CBFA2T2: variants seen among roughly 807,000 people sequenced by gnomAD.
The protein encoded by CBFA2T2 is protein CBFA2T2.
A neutral mutation model predicts 62.2 loss-of-function variants in CBFA2T2; 11 were observed. The ratio of observed to expected loss-of-function variants is 0.18; its 90% CI spans 0.11 to 0.29. The LOEUF (loss-of-function observed/expected upper bound fraction) is 0.29. CBFA2T2 is among the 10% of genes least tolerant of loss of function. The pLI is 1.00. For synonymous variants in CBFA2T2, 295 were observed against 287.5 expected, an observed-to-expected ratio of 1.03 and a Z score of -0.27; for missense variants, 592 against 774.1, an observed-to-expected ratio of 0.76 and a Z score of 2.79.
chr20:33,500,774 GC>G (rs1186935225), intron 1 of CBFA2T2, among the ~76,000 whole-genome samples: 1 of 152,094 alleles, frequency 6.6e-6, no homozygotes, highest in African/African-American at 2.4e-5. Context: ...TTTAAAGATA[GC>G]TATATGAGAC....
At chr20:33,493,072 T>G (rs1032642252) in intron 1 of CBFA2T2, among the ~76,000 whole-genome samples, 1 of 141,784 alleles carries the variant, frequency 7.1e-6, no homozygotes, top group Non-Finnish European at 1.5e-5. Context: ...GTTTTGGTTT[T>G]TTTTTTTTTT....
At chr20:33,490,866 G>A (rs1368995992) in intron 1 of CBFA2T2, among the ~76,000 whole-genome samples, 1 of 152,194 alleles carries the variant, frequency 6.6e-6, no homozygotes, top group African/African-American at 2.4e-5. Flanking sequence ...GGTTTTGTGA[G>A]GCCAGTAAAA....
intron 1 of CBFA2T2, among the ~76,000 whole-genome samples, chr20:33,534,278 T>C (rs1471375584): frequency 3.3e-5 from 5 of 152,208 alleles, no homozygotes; most frequent in Non-Finnish European, 7.3e-5. Context: ...TTAAATCTTT[T>C]ACCCATTTAA....
At chr20:33,597,950 G>A (rs912502260) in intron 1 of CBFA2T2, among the ~76,000 whole-genome samples, 18 of 152,124 alleles carry the variant, frequency 1.2e-4, no homozygotes, top group South Asian at 1.0e-3. Flanking sequence ...AAAGCTGGGC[G>A]TCCAGGGGAG....
In CBFA2T2 at chr20:33,623,121, C is replaced by T. The variant is rs761142750; in HGVS notation, c.517C>T (p.Leu173=). 2.5e-6 allele frequency: 4 copies of T among 1,614,092 alleles called. No homozygotes were observed. Among genetic ancestry groups the T allele is most frequent in the Non-Finnish European group, 3.4e-6 (4 of 1,180,042 alleles). Residue 173 remains leucine, a synonymous_variant, in exon 5 of 11, where the codon CTG becomes TTG. Coordinates refer to ENST00000342704, the MANE Select transcript of CBFA2T2 (RefSeq NM_001032999.3). ...PFVIPFLKAN[L]PLLQRELLHC... is the part of the protein sequence containing the mutation. ...ACTGCCTCTTCCTTTCAAGGCCAAC[C>T]TGCCCCTGCTGCAGCGGGAACTGCT... is the stretch of plus-strand genomic sequence containing the variant.
At chr20:33,606,234 A>T (rs1212616208) in intron 1 of CBFA2T2, among the ~76,000 whole-genome samples, 1 of 152,224 alleles carries the variant, frequency 6.6e-6, no homozygotes, top group Non-Finnish European at 1.5e-5. Flanking sequence ...TGATTCATTT[A>T]TAAGGAGAAG....
intron 3 of CBFA2T2, among the ~76,000 whole-genome samples, chr20:33,611,743 A>G (rs1163076601): frequency 6.6e-6 from 1 of 152,102 alleles, no homozygotes; most frequent in Non-Finnish European, 1.5e-5. Flanking sequence ...TCAAACTCCT[A>G]GCCTCAAGCA....
At chr20:33,507,340 A>T (rs2011420460) in intron 1 of CBFA2T2, among the ~76,000 whole-genome samples, 1 of 152,202 alleles carries the variant, frequency 6.6e-6, no homozygotes, top group Non-Finnish European at 1.5e-5. Context: ...GTTAATGGCA[A>T]GTAACATCCT....
Position 33,636,631 on chromosome 20 carries a change from C to T in CBFA2T2, c.1229-9C>T, listed in dbSNP as rs780820820. 4 of 1,611,386 alleles carry T rather than the reference C, an allele frequency of 2.5e-6. No individual in the cohort carries two copies. Among genetic ancestry groups the T allele is most frequent in the Non-Finnish European group, 2.5e-6 (3 of 1,177,822 alleles). ...TTCTGACCCTATGCTTTTTATGTCT[C>T]TTCTGCAGATTCTCAGAGAGAGTTC... On this transcript the variant is annotated splice_polypyrimidine_tract_variant and intron_variant, in intron 8 of 10. Transcript: ENST00000342704.
intron 1 of CBFA2T2, among the ~76,000 whole-genome samples, chr20:33,527,074 G>C (rs1488494734): frequency 3.9e-5 from 6 of 152,214 alleles, no homozygotes; most frequent in Non-Finnish European, 1.5e-5. Flanking sequence ...GACAATACAA[G>C]ACTATGCTGA....
intron 1 of CBFA2T2, among the ~76,000 whole-genome samples, chr20:33,534,299 T>C (rs759214335): frequency 2.6e-5 from 4 of 151,682 alleles, no homozygotes; most frequent in Non-Finnish European, 5.9e-5. Flanking sequence ...AAAAATTACA[T>C]TGTTTATTTT....
intron 1 of CBFA2T2, among the ~76,000 whole-genome samples, chr20:33,493,396 G>A (rs978995056): frequency 6.6e-6 from 1 of 152,154 alleles, no homozygotes; most frequent in Non-Finnish European, 1.5e-5. Context: ...TTTTTAACTG[G>A]CATGCTGGGA....
At chr20:33,498,505 G>A (rs1407603402) in intron 1 of CBFA2T2, among the ~76,000 whole-genome samples, 2 of 151,562 alleles carry the variant, frequency 1.3e-5, no homozygotes, top group African/African-American at 2.4e-5. Flanking sequence ...TGCCCACCTC[G>A]GCCTCCCAAA....
chr20:33,610,476 A>T (rs1732526601), intron 2 of CBFA2T2, among the ~76,000 whole-genome samples: 1 of 152,226 alleles, frequency 6.6e-6, no homozygotes, highest in Admixed American at 6.5e-5. Flanking sequence ...AAGATGCTTT[A>T]TTGAATGACC....
intron 1 of CBFA2T2, among the ~76,000 whole-genome samples, chr20:33,493,068 G>GTTTTTTTTT (rs1157324208): frequency 2.3e-5 from 2 of 88,106 alleles, no homozygotes; most frequent in Non-Finnish European, 4.3e-5. Context: ...TGAAGTTTTG[G>GTTTTTTTTT]TTTTTTTTTT....
chr20:33,532,819 G>A (rs2012098756), intron 1 of CBFA2T2, among the ~76,000 whole-genome samples: 1 of 152,182 alleles, frequency 6.6e-6, no homozygotes, highest in African/African-American at 2.4e-5. Flanking sequence ...TATATGGCAT[G>A]GTATTATAGA....
intron 1 of CBFA2T2, among the ~76,000 whole-genome samples, chr20:33,521,481 A>G (rs1600924816): frequency 2.0e-5 from 3 of 152,168 alleles, no homozygotes; most frequent in Non-Finnish European, 4.4e-5. Flanking sequence ...GGCATATTTT[A>G]GCATCCTATA....
At chr20:33,574,518 G>A (rs757585010) in intron 1 of CBFA2T2, among the ~76,000 whole-genome samples, 4 of 152,160 alleles carry the variant, frequency 2.6e-5, no homozygotes, top group African/African-American at 4.8e-5. Flanking sequence ...CCAGCTACTC[G>A]GGTGGCTGAG....
intron 8 of CBFA2T2, among the ~76,000 whole-genome samples, chr20:33,632,477 T>G (rs2016487456): frequency 6.6e-6 from 1 of 151,764 alleles, no homozygotes; most frequent in Non-Finnish European, 1.5e-5. Context: ...ATGACTTTTT[T>G]TTTTTTTTTT....
Sources: gnomAD v4.1 joint callset for allele counts (sites outside exome capture counted in the v4.1 genomes callset) on GRCh38, gnomAD v4.1.1 for gene constraint, MANE v1.5 for transcripts, NCBI Gene and HGNC (gene_info 2026-07-23, HGNC 2026-07-21) for gene names.